NPSR1: variants seen among roughly 807,000 people sequenced by gnomAD.
NPSR1 encodes the protein neuropeptide S receptor.
NPSR1 carries 48 observed loss-of-function variants against 46.9 expected under a neutral mutation model. The ratio of observed to expected loss-of-function variants is 1.02; its 90% CI spans 0.81 to 1.30. The LOEUF is 1.30. Among genes scored for constraint, NPSR1 ranks in the 50% most tolerant of loss-of-function variants. The pLI, the probability that NPSR1 is intolerant of heterozygous loss-of-function variation, is 0.00. For synonymous variants in NPSR1, 176 were observed against 168.1 expected (o/e 1.05, Z -0.36); for missense variants, 450 against 449.5 (o/e 1.00, Z -0.01).
intron 3 of NPSR1, 140 bp downstream of exon 3, chr7:34,778,705 A>C: frequency 1.8e-6 from 1 of 547,398 alleles, no homozygotes; most frequent in African/African-American, 2.0e-5. Flanking sequence ...GGCAATGAAA[A>C]TTTGATTTTT....
At chr7:34,864,031 A>G (rs1791249677) in intron 8 of NPSR1, among the ~76,000 whole-genome samples, 1 of 151,908 alleles carries the variant, frequency 6.6e-6, no homozygotes, top group Non-Finnish European at 1.5e-5. Context: ...ACCATAGAAT[A>G]CTATGCAGCC....
At position 34,750,985 on chromosome 7, in the gene NPSR1, G is replaced by A. The variant is rs35716404; in HGVS notation, c.281-27477G>A. ...AGACTATAGATTGCATTGCCCTTGT[G>A]GAAGAGCTCATTGAAGAACTTCTTG... On this transcript the variant is annotated intron_variant, in intron 2 of 8. Coordinates refer to ENST00000360581, the MANE Select transcript of NPSR1 (RefSeq NM_207172.2). The A allele has an allele frequency of 2.7e-5, 21 of 767,922 alleles. No homozygotes were observed. In the African/African-American group the frequency reaches 3.1e-4, roughly 11 times the overall value. The allele number at this position is 767,922 out of a possible 1,614,324, so 47.6% of individuals were successfully genotyped here.
rs142469070 is a variant in NPSR1, at chr7:34,834,024, C to T, written c.681-360C>T. On this transcript the variant is annotated intron_variant, in intron 5 of 8. Coordinates refer to ENST00000360581, the MANE Select transcript of NPSR1 (RefSeq NM_207172.2). ...GGGATCATAGATGTCATTTAAAAGA[C>T]TGTCTAAAGTCAGGACTGTACAACA... 7 of 226,114 alleles carry T rather than the reference C, an allele frequency of 3.1e-5. No individual in the cohort carries two copies. The East Asian group carries it at 7.4e-4, about 24-fold the overall frequency. The allele number at this position is 226,114 out of a possible 1,614,324, so 14.0% of individuals were successfully genotyped here.
At chr7:34,706,370 T>TAACATATA (rs1794109164) in intron 2 of NPSR1, among the ~76,000 whole-genome samples, 2 of 152,122 alleles carry the variant, frequency 1.3e-5, no homozygotes, top group Non-Finnish European at 2.9e-5. Context: ...TCTAACTGTC[T>TAACATATA]GTCTATATGT....
chr7:34,816,460 T>G (rs1013128860), intron 4 of NPSR1, among the ~76,000 whole-genome samples: 1 of 2,128 alleles, frequency 4.7e-4, no homozygotes, highest in African/African-American at 2.4e-3. Flanking sequence ...TCCAACACAA[T>G]AATAATGGGA....
At position 34,675,417 on chromosome 7, in the gene NPSR1, A is replaced by T. The variant is rs117378476; in HGVS notation, c.148-9135A>T. On this transcript the variant is annotated intron_variant, in intron 1 of 8. Transcript: ENST00000360581. The stretch of plus-strand genomic sequence containing the variant: ...CCTTGGATCTGGATAAATCCAGACT[A>T]GCCTGACAGATCCAGAATCAACTAG... Among the ~76,000 whole-genome samples, 56 of 152,392 alleles carry T rather than the reference A, an allele frequency of 3.7e-4. No homozygotes were observed. In the East Asian group the frequency reaches 6.4e-3, roughly 17 times the overall value.
intron 8 of NPSR1, among the ~76,000 whole-genome samples, chr7:34,862,731 A>G (rs1791218568): frequency 6.6e-6 from 1 of 151,766 alleles, no homozygotes; most frequent in South Asian, 2.1e-4. Flanking sequence ...TTTCCTAAGT[A>G]TGCCCTTCCA....
intron 4 of NPSR1, among the ~76,000 whole-genome samples, chr7:34,820,194 G>C (rs4723387): frequency 0.09 from 13,685 of 152,276 alleles, 791 homozygotes; most frequent in South Asian, 0.27. Flanking sequence ...TTATGGCATT[G>C]CTTGTAATGA....
chr7:34,849,715 C>T lies in NPSR1; in HGVS notation c.*60C>T. ...ATCAGCTCTCCCAGGTCCTTGTCAC[C>T]TGCTTGGGCACGTGCATGGAACCCG... On this transcript the variant is annotated 3_prime_UTR_variant, in exon 9 of 9. Transcript: ENST00000360581. 1 of 1,599,648 alleles carries T rather than the reference C, an allele frequency of 6.3e-7. No individual in the cohort carries two copies. Among genetic ancestry groups the T allele is most frequent in the East Asian group, 2.2e-5 (1 of 44,672 alleles).
At chr7:34,853,874 G>A (rs1040496095), downstream of NPSR1, among the ~76,000 whole-genome samples, 5 of 151,956 alleles carry the variant, frequency 3.3e-5, no homozygotes, top group Non-Finnish European at 7.4e-5. Flanking sequence ...GCTGAGGCAG[G>A]AGAATCACTT....
At chr7:34,853,677 A>C (rs1328616955), downstream of NPSR1, among the ~76,000 whole-genome samples, 1 of 152,042 alleles carries the variant, frequency 6.6e-6, no homozygotes, top group Non-Finnish European at 1.5e-5. Flanking sequence ...ATATTTTTAC[A>C]CGGCCGGGCA....
In NPSR1 at chr7:34,748,381, A is replaced by G. The variant is rs1443622464; in HGVS notation, c.281-30081A>G. 5.9e-5 allele frequency among the ~76,000 whole-genome samples: 9 copies of G among 152,214 alleles called. No homozygotes were observed. The East Asian group carries it at 1.5e-3, about 26-fold the overall frequency. ...CCACTTCACACTCAGGCCATGCCACAGTCACCAGCACAGCTTGGGATTGGG... is the reference window on the plus strand; with the variant it reads ...CCACTTCACACTCAGGCCATGCCACGGTCACCAGCACAGCTTGGGATTGGG... On this transcript the variant is annotated intron_variant, in intron 2 of 8. Coordinates refer to ENST00000360581, the MANE Select transcript of NPSR1 (RefSeq NM_207172.2).
At chr7:34,761,613 T>C (rs971213929) in intron 2 of NPSR1, among the ~76,000 whole-genome samples, 2 of 152,140 alleles carry the variant, frequency 1.3e-5, no homozygotes, top group African/African-American at 4.8e-5. Context: ...TTAGCTCTCC[T>C]TGGGCAAAGG....
intron 3 of NPSR1, among the ~76,000 whole-genome samples, chr7:34,790,843 ATATGTTATATGT>A (rs1228019782): frequency 1.5e-5 from 2 of 129,654 alleles, no homozygotes; most frequent in African/African-American, 2.8e-5. Flanking sequence ...TATGTTATAT[ATATGTTATATGT>A]TATGTTATAT....
intron 8 of NPSR1, among the ~76,000 whole-genome samples, chr7:34,866,480 G>T (rs952345555): frequency 1.3e-5 from 2 of 151,598 alleles, no homozygotes; most frequent in African/African-American, 4.9e-5. Flanking sequence ...GAACCTGTCC[G>T]TTGTTCAGTG....
At chr7:34,769,540 G>T (rs1445262661) in intron 2 of NPSR1, among the ~76,000 whole-genome samples, 1 of 152,102 alleles carries the variant, frequency 6.6e-6, no homozygotes, top group Non-Finnish European at 1.5e-5. Flanking sequence ...TCCTATTTAG[G>T]CTTCAGCAAT....
At chr7:34,734,033 A>G (rs930647857) in intron 2 of NPSR1, among the ~76,000 whole-genome samples, 4 of 152,204 alleles carry the variant, frequency 2.6e-5, no homozygotes, top group African/African-American at 9.6e-5. Context: ...GTGTTTTACA[A>G]ATATTCCCCT....
intron 2 of NPSR1, among the ~76,000 whole-genome samples, chr7:34,754,161 C>G (rs1413743837): frequency 1.3e-5 from 2 of 152,100 alleles, no homozygotes; most frequent in Admixed American, 6.5e-5. Context: ...GTCTACACCC[C>G]CTTTGTAGTA....
intron 8 of NPSR1, among the ~76,000 whole-genome samples, chr7:34,862,755 A>G (rs1791218966): frequency 6.6e-6 from 1 of 151,722 alleles, no homozygotes; most frequent in Non-Finnish European, 1.5e-5. Flanking sequence ...TGTCCAATAT[A>G]AGTGGGGTGA....
Sources: gnomAD v4.1 joint callset for allele counts (sites outside exome capture counted in the v4.1 genomes callset) on GRCh38, gnomAD v4.1.1 for gene constraint, MANE v1.5 for transcripts, NCBI Gene and HGNC (gene_info 2026-07-23, HGNC 2026-07-21) for gene names.